The following COL2A1 variants were observed in gnomAD, a reference collection of about 807,000 sequenced individuals.
COL2A1 encodes the protein collagen alpha-1(II) chain.
COL2A1 carries 28 observed loss-of-function variants against 204.5 expected under a neutral mutation model. That is an observed-to-expected ratio of 0.14 (90% CI 0.10 to 0.19). The LOEUF (loss-of-function observed/expected upper bound fraction) is 0.19. COL2A1 is among the 10% of genes least tolerant of loss of function. The probability of loss-of-function intolerance (pLI) is 1.00; values close to 1 mark genes in which losing one functional copy is unlikely to be tolerated. For missense variants in COL2A1, 1,388 were observed against 2,027.5 expected, an observed-to-expected ratio of 0.68 and a Z score of 6.06; for synonymous variants, 708 against 718.7, an observed-to-expected ratio of 0.99 and a Z score of 0.24.
Position 47,986,552 on chromosome 12 carries a change from G to GA in COL2A1, c.1420-110_1420-109insT, listed in dbSNP as rs139580012. 3.9e-3 allele frequency: 3,038 copies of GA among 778,226 alleles called. 26 individuals carry two copies. Among genetic ancestry groups the GA allele is most frequent in the Middle Eastern group, 0.016 (49 of 2,982 alleles). The allele number at this position is 778,226 out of a possible 1,614,324, so 48.2% of individuals were successfully genotyped here. A position where few individuals can be genotyped will look rare whatever the true frequency, so the allele number is the denominator to read the frequency against. The stretch of plus-strand genomic sequence containing the variant: ...CCTTGGCAACTGTTTCAGGGCTGGG[G>GA]GGGGGCTTGAGGACGAGAGGCCATA... On this transcript the variant is annotated intron_variant, in intron 22 of 53. Transcript: ENST00000380518.
At chr12:47,995,484 G>A (rs1254932865) in intron 10 of COL2A1, among the ~76,000 whole-genome samples, 176 bp from the exon 11 acceptor site, 6 of 152,212 alleles carry the variant, frequency 3.9e-5, no homozygotes, top group African/African-American at 1.2e-4. Context: ...CACAGGCTGG[G>A]GTGACCCGGA....
intron 51 of COL2A1, 141 bp from the exon 52 acceptor site, chr12:47,975,003 G>T: frequency 1.1e-6 from 1 of 878,290 alleles, no homozygotes; most frequent in Non-Finnish European, 1.7e-6. Flanking sequence ...AAAGGAGGGG[G>T]ACCTGGGAGG....
intron 34 of COL2A1, 143 bp from the exon 35 acceptor site, chr12:47,982,303 C>A (rs1939137407): frequency 1.2e-6 from 1 of 841,450 alleles, no homozygotes. Flanking sequence ...GGGTGAGGAG[C>A]AGCAGGGGTG....
At chr12:47,977,549 C>T (rs368647010) in intron 45 of COL2A1, 51 bp downstream of exon 45, 28 of 1,610,614 alleles carry the variant, frequency 1.7e-5, no homozygotes, top group East Asian at 8.9e-5. Flanking sequence ...CTGTCAGGCC[C>T]GAGGCAATGT....
Position 47,979,492 on chromosome 12 carries a change from T to C in COL2A1, c.2733+19A>G, listed in dbSNP as rs1436470894. 2.5e-6 allele frequency: 4 copies of C among 1,612,188 alleles called. No homozygotes were observed. The highest frequency in any genetic ancestry group is 2.5e-6 in the Non-Finnish European group (3 of 1,179,028). ...ATTCCATGCCTGCCTGTGCCTCTCA[T>C]GCCAGGAGCATCACTTACATTGGAG... is the stretch of plus-strand genomic sequence containing the variant. On this transcript the variant is annotated intron_variant, in intron 41 of 53. Transcript: ENST00000380518.
Position 47,991,465 on chromosome 12 carries a change from C to T in COL2A1, c.1023+1413G>A, listed in dbSNP as rs530619511. On this transcript the variant is annotated intron_variant, in intron 16 of 53. Transcript: ENST00000380518. ...TGCACACCCCGGACACTGCACAGCCCCCTTCTGGAAGTCAAGGCTGAGAAG... is the reference window on the plus strand; with the variant it reads ...TGCACACCCCGGACACTGCACAGCCTCCTTCTGGAAGTCAAGGCTGAGAAG... Among the ~76,000 whole-genome samples the T allele has an allele frequency of 2.0e-5, 3 of 152,272 alleles. No individual in the cohort carries two copies. The South Asian group carries it at 6.2e-4, about 32-fold the overall frequency.
chr12:47,974,156 T>C lies in COL2A1; in HGVS notation c.4250A>G (p.Asn1417Ser), dbSNP rs537186508. ...GCCCTCTGCCCGGATCTCCACGTCA[T>C]TGGAGCCCTGGATGAGCAGGGCCTT... ...LKKALLIQGS[N>S]DVEIRAEGNS... The change falls in exon 53 of 54, where the codon AAT becomes AGT. Residue 1417 changes from asparagine (N) to serine (S), a missense_variant. By Grantham distance (46) the Asn-to-Ser change is conservative. This residue lies in a region of COL2A1 where 303 missense variants were observed against 369.2 expected (regional missense o/e 0.82). Coordinates refer to ENST00000380518, the MANE Select transcript of COL2A1 (RefSeq NM_001844.5). 47 of 1,614,198 alleles carry C rather than the reference T, an allele frequency of 2.9e-5. 1 individual carries two copies. The highest frequency in any genetic ancestry group is 1.9e-4 in the South Asian group (17 of 91,082).
chr12:47,983,111 A>G lies in COL2A1; in HGVS notation c.2076T>C (p.Pro692=). Residue 692 remains proline (P), a synonymous_variant, in exon 32 of 54, where the codon CCT becomes CCC. Transcript: ENST00000380518. The part of the protein sequence containing the change: ...DQGVPGEAGA[P]GLVGPRGERG... ...TACTCACCCTGGGACCCACGAGGCCAGGGGCTCCAGCTTCACCGGGAACAC... is the reference window on the plus strand; with the variant it reads ...TACTCACCCTGGGACCCACGAGGCCGGGGGCTCCAGCTTCACCGGGAACAC... 1 of 1,613,960 alleles carries G rather than the reference A, an allele frequency of 6.2e-7. No individual in the cohort carries two copies. Among genetic ancestry groups the G allele is most frequent in the Non-Finnish European group, 8.5e-7 (1 of 1,179,910 alleles).
intron 44 of COL2A1, 47 bp from the exon 45 acceptor site, chr12:47,977,700 T>C (rs1635558): frequency 6.3e-7 from 1 of 1,591,828 alleles, no homozygotes; most frequent in Non-Finnish European, 8.6e-7. Flanking sequence ...TTCCTGCCCA[T>C]CTCCCCCTCT....
intron 18 of COL2A1, among the ~76,000 whole-genome samples, chr12:47,988,243 G>A (rs1256515513): frequency 2.0e-5 from 3 of 152,182 alleles, no homozygotes; most frequent in African/African-American, 4.8e-5. Context: ...CAGTAAGCCA[G>A]AAAGCCAAGG....
intron 5 of COL2A1, 53 bp from the exon 6 acceptor site, chr12:47,997,977 A>G: frequency 6.2e-7 from 1 of 1,614,190 alleles, no homozygotes; most frequent in Non-Finnish European, 8.5e-7. Flanking sequence ...CCTGCAGATC[A>G]GTAACTTGCG....
rs900153652 is a variant in COL2A1, at chr12:47,978,883, G to A, written c.2734-125C>T. 13 of 992,494 alleles carry A rather than the reference G, an allele frequency of 1.3e-5. No homozygotes were observed. Among genetic ancestry groups the A allele is most frequent in the Admixed American group, 2.1e-5 (1 of 48,778 alleles). The allele number at this position is 992,494 out of a possible 1,614,324, so 61.5% of individuals were successfully genotyped here. The stretch of plus-strand genomic sequence containing the variant: ...GGGCTTCTCTACCTCCCCACACTAA[G>A]GGCAGGCAGCTTAACCCCCCCAACC... On this transcript the variant is annotated intron_variant, in intron 41 of 53. Transcript: ENST00000380518. This position sits in a 1 kb window ranked among gnomAD's most constrained non-coding sequence, Gnocchi z 5.5.
intron 35 of COL2A1, 108 bp downstream of exon 35, chr12:47,981,999 A>G: frequency 7.5e-7 from 1 of 1,332,186 alleles, no homozygotes; most frequent in Non-Finnish European, 1.1e-6. Context: ...CCCGACAGAG[A>G]CAGGACCAGG....
intron 50 of COL2A1, 31 bp from the exon 51 acceptor site, chr12:47,975,636 A>G (rs1481247348): frequency 6.3e-7 from 1 of 1,595,178 alleles, no homozygotes; most frequent in East Asian, 2.2e-5. Context: ...ATCAGCCAGG[A>G]TTGTGTGAAA....
upstream of COL2A1, among the ~76,000 whole-genome samples, chr12:48,004,881 G>A (rs1157897139): frequency 6.6e-6 from 1 of 152,254 alleles, no homozygotes; most frequent in Non-Finnish European, 1.5e-5. Context: ...GGACGGAAAA[G>A]ACATGGGAGG....
chr12:47,995,815 T>A, intron 9 of COL2A1, 52 bp from the exon 10 acceptor site: 1 of 1,610,168 alleles, frequency 6.2e-7, no homozygotes, highest in Non-Finnish European at 8.5e-7. Flanking sequence ...TGCTAAAACA[T>A]CATAGTGCTT....
rs773380528 is a variant in COL2A1, at chr12:47,984,567, C to T, written c.1866G>A (p.Leu622=). ...TTACCCTCAGACCAGGAGCACCAGGCAGTCCCTTCTCACCAGCTTTGCCAG... is the reference window on the plus strand; with the variant it reads ...TTACCCTCAGACCAGGAGCACCAGGTAGTCCCTTCTCACCAGCTTTGCCAG... ...GEPGKAGEKG[L]PGAPGLRGLP... Residue 622 remains leucine, a synonymous_variant, in exon 28 of 54, where the codon CTG becomes CTA. Transcript: ENST00000380518. 2.5e-6 allele frequency: 4 copies of T among 1,614,174 alleles called. No homozygotes were observed. The highest frequency in any genetic ancestry group is 2.2e-5 in the East Asian group (1 of 44,888).
upstream of COL2A1, chr12:48,004,649 C>A (rs946136169): frequency 8.7e-6 from 2 of 229,146 alleles, no homozygotes; most frequent in South Asian, 1.4e-4. Flanking sequence ...CCGGACCCCC[C>A]TCTCTGGGAG....
rs139162796 is a variant in COL2A1 at position 47,994,484 on chromosome 12, G to GGAGA, written c.763-11_763-8dup. The GGAGA allele has an allele frequency of 6.2e-7, 1 of 1,612,152 alleles. No individual in the cohort carries two copies. Among genetic ancestry groups the GGAGA allele is most frequent in the African/African-American group, 1.3e-5 (1 of 74,878 alleles). ...CAGGTTTTCCAGCTTCACCCTGAAG[G>GGAGA]GAGAGAGAGAGATATCCCAGCTTCC... On this transcript the variant is annotated splice_region_variant and splice_polypyrimidine_tract_variant and intron_variant, in intron 11 of 53. Transcript: ENST00000380518.
Sources: allele counts gnomAD v4.1 joint callset (sites outside exome capture counted in the v4.1 genomes callset), GRCh38; gene constraint gnomAD v4.1.1; regional missense constraint gnomAD v4.1.1; non-coding constraint Gnocchi (gnomAD v3.1); transcripts MANE v1.5; gene names NCBI Gene and HGNC (gene_info 2026-07-23, HGNC 2026-07-21).